CDYL: variants seen among roughly 807,000 people sequenced by gnomAD.
CDYL encodes the protein chromodomain Y like.
A neutral mutation model predicts 47.3 loss-of-function variants in CDYL; 8 were observed. The ratio of observed to expected loss-of-function variants is 0.17; its 90% CI spans 0.10 to 0.31. The LOEUF is 0.31. Ranked by LOEUF, CDYL falls within the 10% of genes least tolerant of loss-of-function variation. CDYL has a pLI of 1.00. For missense variants in CDYL, 471 were observed against 701.4 expected (o/e 0.67, Z 3.71); for synonymous variants, 266 against 265.0 (o/e 1.00, Z -0.04).
intron 1 of CDYL, 54 bp from the exon 2 acceptor site, chr6:4,891,658 CT>C (rs1762045278): frequency 2.1e-6 from 3 of 1,438,080 alleles, no homozygotes; most frequent in Non-Finnish European, 2.8e-6. Context: ...GAAACTTGCA[CT>C]TTTCCCCCCA....
intron 1 of CDYL, among the ~76,000 whole-genome samples, chr6:4,840,689 G>T (rs1255903110): frequency 6.6e-6 from 1 of 152,062 alleles, no homozygotes; most frequent in Non-Finnish European, 1.5e-5. Context: ...GTGTTTATGT[G>T]ATGACAACAT....
chr6:4,931,318 T>C lies in CDYL; in HGVS notation c.692-4197T>C, dbSNP rs11968534. 2.8e-3 allele frequency among the ~76,000 whole-genome samples: 431 copies of C among 152,174 alleles called. 2 individuals carry two copies. Among genetic ancestry groups the C allele is most frequent in the African/African-American group, 7.7e-3 (320 of 41,512 alleles). ...ACTTTCATGGGTGCTTTGAAGGAAA[T>C]AAACCAGGGTGATATGAAGTGCTGA... On this transcript the variant is annotated intron_variant, in intron 2 of 6. Coordinates refer to ENST00000397588, the MANE Select transcript of CDYL (RefSeq NM_004824.4).
Position 4,904,510 on chromosome 6 carries a change from T to G in CDYL, c.691+12131T>G, listed in dbSNP as rs77278279. On this transcript the variant is annotated intron_variant, in intron 2 of 6. Coordinates refer to ENST00000397588, the MANE Select transcript of CDYL (RefSeq NM_004824.4). ...GTGGATTTGATGCTCAATTCTTCCATTCACTGCGCCCCTCCCTGCCCTGGC... is the reference window on the plus strand; with the variant it reads ...GTGGATTTGATGCTCAATTCTTCCAGTCACTGCGCCCCTCCCTGCCCTGGC... Among the ~76,000 whole-genome samples the G allele has an allele frequency of 5.4e-4, 82 of 152,384 alleles. 4 individuals carry two copies. The East Asian group carries it at 0.014, about 25-fold the overall frequency.
intron 2 of CDYL, among the ~76,000 whole-genome samples, chr6:4,908,869 C>A (rs988607304): frequency 6.6e-6 from 1 of 152,224 alleles, no homozygotes. Flanking sequence ...GGTCACCTCT[C>A]CTGTGCATGG....
intron 1 of CDYL, among the ~76,000 whole-genome samples, chr6:4,884,338 T>C (rs1761844541): frequency 6.6e-6 from 1 of 152,218 alleles, no homozygotes; most frequent in Admixed American, 6.5e-5. Flanking sequence ...GTCAGGATTT[T>C]AGTTTGGCTC....
At chr6:4,951,699 G>A (rs1758709645) in intron 5 of CDYL, among the ~76,000 whole-genome samples, 4 of 151,910 alleles carry the variant, frequency 2.6e-5, no homozygotes, top group Admixed American at 1.3e-4. Flanking sequence ...TAGCAGAAAC[G>A]GTCGCTGCCA....
chr6:4,731,163 A>G (rs1554132437), intron 2 of CDYL, among the ~76,000 whole-genome samples: 3 of 152,150 alleles, frequency 2.0e-5, no homozygotes, highest in Non-Finnish European at 1.5e-5. Flanking sequence ...CTGGTAATAC[A>G]TTGTACGATT....
At chr6:4,852,603 C>T (rs1174165518) in intron 1 of CDYL, among the ~76,000 whole-genome samples, 4 of 122,986 alleles carry the variant, frequency 3.3e-5, no homozygotes, top group African/African-American at 1.3e-4. Context: ...TCCTTCCTTC[C>T]TCCTTCCTTC....
At chr6:4,719,665 T>A (rs1016321854) in intron 2 of CDYL, among the ~76,000 whole-genome samples, 9 of 152,194 alleles carry the variant, frequency 5.9e-5, no homozygotes, top group African/African-American at 1.9e-4. Flanking sequence ...TGGGGGTTGA[T>A]CCTTGGCTGA....
In CDYL at chr6:4,892,343, G is replaced by A. The variant is rs1762074221; in HGVS notation, c.655G>A (p.Ala219Thr). Reference sequence around the variant, plus strand: ...GCCTCAGGTGCCCGGCCCTGTGACTGCAGCCATGGCCACAGGCTTAGCTGT... The same window carrying A: ...GCCTCAGGTGCCCGGCCCTGTGACTACAGCCATGGCCACAGGCTTAGCTGT... ...LVPQVPGPVT[A>T]AMATGLAVNG... The change falls in exon 2 of 7, where the codon GCA becomes ACA. Residue 219 changes from alanine (A) to threonine (T), a missense_variant. Ala to Thr is a moderately conservative substitution (Grantham distance 58). Coordinates refer to ENST00000397588, the MANE Select transcript of CDYL (RefSeq NM_004824.4). 2 of 1,613,328 alleles carry A rather than the reference G, an allele frequency of 1.2e-6. No homozygotes were observed. Among genetic ancestry groups the A allele is most frequent in the Non-Finnish European group, 1.7e-6 (2 of 1,179,718 alleles).
Position 4,943,714 on chromosome 6 carries a change from C to T in CDYL, c.1290C>T (p.Gly430=). 2 of 1,610,118 alleles carry T rather than the reference C, an allele frequency of 1.2e-6. No homozygotes were observed. The highest frequency in any genetic ancestry group is 1.7e-6 in the Non-Finnish European group (2 of 1,179,232). ...CCACCTTCGGACAGAGTCCAGATGG[C>T]TGTTCTACCGTTATGTTTCCCAAGA... ...PYTTFGQSPD[G]CSTVMFPKIM... Residue 430 remains glycine, a synonymous_variant, in exon 5 of 7, where the codon GGC becomes GGT. Coordinates refer to ENST00000397588, the MANE Select transcript of CDYL (RefSeq NM_004824.4).
intron 6 of CDYL, among the ~76,000 whole-genome samples, chr6:4,952,695 T>C (rs1422212084): frequency 6.6e-6 from 1 of 152,184 alleles, no homozygotes; most frequent in African/African-American, 2.4e-5. Flanking sequence ...TATAATTCTT[T>C]ACTGGTTCCA....
chr6:4,867,957 C>G (rs1761368360), intron 1 of CDYL, among the ~76,000 whole-genome samples: 16 of 151,964 alleles, frequency 1.1e-4, no homozygotes, highest in Admixed American at 9.8e-4. Context: ...GTGATGTCTC[C>G]TCTTTCATTT....
intron 2 of CDYL, among the ~76,000 whole-genome samples, chr6:4,725,283 C>T (rs976258167): frequency 1.3e-5 from 2 of 152,228 alleles, no homozygotes; most frequent in African/African-American, 2.4e-5. Flanking sequence ...GATCCCGCAC[C>T]GAGGGTGCAG....
At chr6:4,940,054 C>T (rs1758318769) in intron 4 of CDYL, among the ~76,000 whole-genome samples, 2 of 152,222 alleles carry the variant, frequency 1.3e-5, no homozygotes, top group South Asian at 2.1e-4. Context: ...GGGCTTGTGG[C>T]GCTGGGATCA....
At chr6:4,950,297 G>T (rs989746749) in intron 5 of CDYL, among the ~76,000 whole-genome samples, 3 of 152,222 alleles carry the variant, frequency 2.0e-5, no homozygotes, top group Non-Finnish European at 4.4e-5. Flanking sequence ...GCCTGGCGGG[G>T]TCGCTTGCCT....
intron 2 of CDYL, among the ~76,000 whole-genome samples, chr6:4,729,895 G>A (rs548188235): frequency 9.5e-4 from 144 of 152,192 alleles, no homozygotes; most frequent in African/African-American, 3.4e-3. Context: ...TCCAGCCTGG[G>A]CCATAAAGTG....
At chr6:4,932,607 C>CT (rs1293553174) in intron 2 of CDYL, among the ~76,000 whole-genome samples, 1 of 152,176 alleles carries the variant, frequency 6.6e-6, no homozygotes, top group Non-Finnish European at 1.5e-5. Context: ...TTGAGGAACT[C>CT]TTAAAGACCC....
intron 1 of CDYL, among the ~76,000 whole-genome samples, chr6:4,828,773 C>A (rs2127452526): frequency 6.6e-6 from 1 of 152,258 alleles, no homozygotes; most frequent in South Asian, 2.1e-4. Flanking sequence ...GTCCTGCTAG[C>A]CTACTAGGCT....
Sources: gnomAD v4.1 joint callset for allele counts (sites outside exome capture counted in the v4.1 genomes callset) on GRCh38, gnomAD v4.1.1 for gene constraint, MANE v1.5 for transcripts, NCBI Gene and HGNC (gene_info 2026-07-23, HGNC 2026-07-21) for gene names.